The following C19orf84 variants were observed in gnomAD, a reference collection of about 807,000 sequenced individuals.
C19orf84 encodes the protein chromosome 19 open reading frame 84.
In C19orf84, 1 loss-of-function variant was observed where a neutral mutation model predicts 4.0. That is an observed-to-expected ratio of 0.25 (90% confidence interval 0.09 to 1.19). The LOEUF is 1.19. C19orf84 is among the 50% of genes most tolerant of loss of function. The pLI is 0.50. For synonymous variants in C19orf84, 123 were observed against 109.6 expected (o/e 1.12, Z -0.76); for missense variants, 224 against 246.8 (o/e 0.91, Z 0.62).
chr19:51,389,587 C>A lies in C19orf84; in HGVS notation c.36-78G>T. The A allele has an allele frequency of 8.0e-7, 1 of 1,255,846 alleles. No homozygotes were observed. Among genetic ancestry groups the A allele is most frequent in the South Asian group, 2.3e-5 (1 of 43,786 alleles). The allele number at this position is 1,255,846 out of a possible 1,614,324, so 77.8% of individuals were successfully genotyped here. On this transcript the variant is annotated intron_variant, in intron 1 of 1. Transcript: ENST00000574814. This position sits in a 1 kb window ranked among gnomAD's most constrained non-coding sequence, Gnocchi z 4.7. ...GTTTCTCGCTGCCAGGCTGTCTCTG[C>A]ACCTCTGCAGAAGGCAGCCATCTCT...
In C19orf84 at chr19:51,388,383, GC is replaced by G. The variant is rs1987153900; in HGVS notation, c.*600del. On this transcript the variant is annotated 3_prime_UTR_variant, in exon 2 of 2. Transcript: ENST00000574814. ...AGTCACAGGTGTCTGGGTATGTGGG[GC>G]CAATGCGGTTCTTTGTGGGGATGGA... 1 of 156,056 alleles carries G rather than the reference GC, an allele frequency of 6.4e-6. No individual in the cohort carries two copies. The highest frequency in any genetic ancestry group is 1.4e-5 in the Non-Finnish European group (1 of 70,454). 9.7% of individuals were successfully genotyped at this position (156,056 alleles called of 1,614,324 possible).
At chr19:51,390,417 C>G in intron 1 of C19orf84, 61 bp downstream of exon 1, 1 of 1,492,344 alleles carries the variant, frequency 6.7e-7, no homozygotes, top group Non-Finnish European at 8.9e-7. Flanking sequence ...CTCTCGTTTT[C>G]TCTGTCCCCT....
At position 51,390,584 on chromosome 19, in the gene C19orf84, G is replaced by A. The variant is rs1568485017; in HGVS notation, c.-72C>T. The A allele has an allele frequency of 2.0e-6, 3 of 1,475,008 alleles. No individual in the cohort carries two copies. Among genetic ancestry groups the A allele is most frequent in the Non-Finnish European group, 2.7e-6 (3 of 1,110,188 alleles). The allele number at this position is 1,475,008 out of a possible 1,614,324, so 91.4% of individuals were successfully genotyped here. ...GATCCTTCGGGGGCCCGGGAAGGTT[G>A]GGGAGGGGCCGAGGCCGAGAGAGGC... On this transcript the variant is annotated 5_prime_UTR_variant, in exon 1 of 2. Coordinates refer to ENST00000574814, the MANE Select transcript of C19orf84 (RefSeq NM_001193623.2).
In C19orf84 at chr19:51,390,472, T is replaced by C. The variant is rs752438184; in HGVS notation, c.35+6A>G. 6 of 1,533,270 alleles carry C rather than the reference T, an allele frequency of 3.9e-6. No individual in the cohort carries two copies. The highest frequency in any genetic ancestry group is 2.0e-5 in the Admixed American group (1 of 50,724). 95.0% of individuals were successfully genotyped at this position (1,533,270 alleles called of 1,614,324 possible). A position where few individuals can be genotyped will look rare whatever the true frequency, so the allele number is the denominator to read the frequency against. On this transcript the variant is annotated splice_donor_region_variant and intron_variant, in intron 1 of 1. Coordinates refer to ENST00000574814, the MANE Select transcript of C19orf84 (RefSeq NM_001193623.2). ...CCCCCTCTCAGGAGGTCTTTGTTTG[T>C]CTCACCCTTCAGGCCCAGCCCCGTC...
In C19orf84 at chr19:51,388,603, G is replaced by A. The variant is rs185252273; in HGVS notation, c.*381C>T. The A allele has an allele frequency of 1.7e-3, 453 of 260,198 alleles. 2 individuals carry two copies. The highest frequency in any genetic ancestry group is 1.0e-2 in the African/African-American group (432 of 43,402). 16.1% of individuals were successfully genotyped at this position (260,198 alleles called of 1,614,324 possible). A position where few individuals can be genotyped will look rare whatever the true frequency, so the allele number is the denominator to read the frequency against. ...TGAATGGGTTTGGGAACAGGGTATT[G>A]AGAGTGGGGAAGAGAGAGGCAGGTA... On this transcript the variant is annotated 3_prime_UTR_variant, in exon 2 of 2. Transcript: ENST00000574814.
At chr19:51,390,443 C>A in intron 1 of C19orf84, 35 bp downstream of exon 1, 1 of 1,527,998 alleles carries the variant, frequency 6.5e-7, no homozygotes, top group East Asian at 2.5e-5. Flanking sequence ...CTCTGGGTCT[C>A]TGTCCCCCTC....
In C19orf84 at chr19:51,389,292, A is replaced by C; in HGVS notation, c.253T>G (p.Cys85Gly). 1 of 1,535,930 alleles carries C rather than the reference A, an allele frequency of 6.5e-7. No individual in the cohort carries two copies. The highest frequency in any genetic ancestry group is 8.7e-7 in the Non-Finnish European group (1 of 1,146,740). ...TGGCCTGCCTGGGAGCAGCAGGGGC[A>C]AGAGGGCAAGGCCTGTTGGAAGGTG... The part of the protein sequence containing the change: ...AYTFQQALPS[C>G]PCCSQAGHSQ... The change falls in exon 2 of 2, where the codon TGC becomes GGC. Residue 85 changes from cysteine (C) to glycine (G), a missense_variant. Coordinates refer to ENST00000574814, the MANE Select transcript of C19orf84 (RefSeq NM_001193623.2). The surrounding 1 kb of genome is among the most constrained non-coding windows in gnomAD (Gnocchi z 4.7).
Position 51,390,459 on chromosome 19 carries a change from A to T in C19orf84, c.35+19T>A. ...TCTGGGTCTCTGTCCCCCTCTCAGG[A>T]GGTCTTTGTTTGTCTCACCCTTCAG... On this transcript the variant is annotated intron_variant, in intron 1 of 1. Coordinates refer to ENST00000574814, the MANE Select transcript of C19orf84 (RefSeq NM_001193623.2). 1 of 1,528,618 alleles carries T rather than the reference A, an allele frequency of 6.5e-7. No individual in the cohort carries two copies. Among genetic ancestry groups the T allele is most frequent in the Admixed American group, 2.0e-5 (1 of 50,318 alleles). 94.7% of individuals were successfully genotyped at this position (1,528,618 alleles called of 1,614,324 possible).
At position 51,389,608 on chromosome 19, in the gene C19orf84, T is replaced by C; in HGVS notation, c.36-99A>G. On this transcript the variant is annotated intron_variant, in intron 1 of 1. Coordinates refer to ENST00000574814, the MANE Select transcript of C19orf84 (RefSeq NM_001193623.2). This position sits in a 1 kb window ranked among gnomAD's most constrained non-coding sequence, Gnocchi z 4.7. ...TCTGCACCTCTGCAGAAGGCAGCCA[T>C]CTCTCCATCCTCAGTGCCCACCTGT... The C allele has an allele frequency of 3.8e-6, 4 of 1,042,388 alleles. No individual in the cohort carries two copies. The highest frequency in any genetic ancestry group is 5.0e-6 in the Non-Finnish European group (4 of 793,284). The allele number at this position is 1,042,388 out of a possible 1,614,324, so 64.6% of individuals were successfully genotyped here. A position where few individuals can be genotyped will look rare whatever the true frequency, so the allele number is the denominator to read the frequency against.
At position 51,389,494 on chromosome 19, in the gene C19orf84, C is replaced by T; in HGVS notation, c.51G>A (p.Leu17=). 1 of 1,428,154 alleles carries T rather than the reference C, an allele frequency of 7.0e-7. No individual in the cohort carries two copies. The highest frequency in any genetic ancestry group is 9.1e-7 in the Non-Finnish European group (1 of 1,094,908). The allele number at this position is 1,428,154 out of a possible 1,614,324, so 88.5% of individuals were successfully genotyped here. ...GCCATGGCTCGGTCCCAGATGACGG[C>T]AGGGACAGGTTGTTCCTAGAACAAC... The part of the protein sequence containing the change: ...GAGPEGNNLS[L]PSSGTEPWPP... The change falls in exon 2 of 2, where the codon CTG becomes CTA. Residue 17 remains leucine, a synonymous_variant. Transcript: ENST00000574814. This position sits in a 1 kb window ranked among gnomAD's most constrained non-coding sequence, Gnocchi z 4.7.
In C19orf84 at chr19:51,389,283, A is replaced by G. The variant is rs1207488871; in HGVS notation, c.262T>C (p.Cys88Arg). Reference sequence around the variant, plus strand: ...GGCTGGGAGTGGCCTGCCTGGGAGCAGCAGGGGCAAGAGGGCAAGGCCTGT... The same window carrying G: ...GGCTGGGAGTGGCCTGCCTGGGAGCGGCAGGGGCAAGAGGGCAAGGCCTGT... ...FQQALPSCPC[C>R]SQAGHSQPGA... is the part of the protein sequence containing the mutation. Residue 88 changes from cysteine to arginine, a missense_variant, in exon 2 of 2, where the codon TGC becomes CGC. Transcript: ENST00000574814. The surrounding 1 kb of genome is among the most constrained non-coding windows in gnomAD (Gnocchi z 4.7). 6.5e-7 allele frequency: 1 copy of G among 1,535,916 alleles called. No homozygotes were observed. The highest frequency in any genetic ancestry group is 1.2e-5 in the South Asian group (1 of 84,050).
Position 51,390,463 on chromosome 19 carries a change from C to CT in C19orf84, c.35+14dup. 6.5e-7 allele frequency: 1 copy of CT among 1,532,770 alleles called. No homozygotes were observed. The highest frequency in any genetic ancestry group is 1.2e-5 in the South Asian group (1 of 83,686). The allele number at this position is 1,532,770 out of a possible 1,614,324, so 94.9% of individuals were successfully genotyped here. A position where few individuals can be genotyped will look rare whatever the true frequency, so the allele number is the denominator to read the frequency against. ...GGTCTCTGTCCCCCTCTCAGGAGGT[C>CT]TTTGTTTGTCTCACCCTTCAGGCCC... On this transcript the variant is annotated intron_variant, in intron 1 of 1. Transcript: ENST00000574814.
Position 51,389,175 on chromosome 19 carries a change from G to A in C19orf84, c.370C>T (p.Arg124Trp), listed in dbSNP as rs539577042. The change falls in exon 2 of 2, where the codon CGG becomes TGG. Residue 124 changes from arginine (R) to tryptophan (W), a missense_variant. By Grantham distance (101) the Arg-to-Trp change is moderately radical (BLOSUM62 -3). Coordinates refer to ENST00000574814, the MANE Select transcript of C19orf84 (RefSeq NM_001193623.2). This position sits in a 1 kb window ranked among gnomAD's most constrained non-coding sequence, Gnocchi z 4.7. Reference sequence around the variant, plus strand: ...GGCTGCTCAGCTCTCCCAAGGCCCCGTCGATGCAGGCCTCGGCCCCAGCCT... The same window carrying A: ...GGCTGCTCAGCTCTCCCAAGGCCCCATCGATGCAGGCCTCGGCCCCAGCCT... Reference protein sequence around the residue: ...RPGWGRGLHRRGLGRAEQPER... With the variant: ...RPGWGRGLHRWGLGRAEQPER... The A allele has an allele frequency of 3.1e-4, 475 of 1,535,288 alleles. No individual in the cohort carries two copies. Among genetic ancestry groups the A allele is most frequent in the Non-Finnish European group, 3.8e-4 (435 of 1,146,518 alleles).
Position 51,389,427 on chromosome 19 carries a change from A to C in C19orf84, c.118T>G (p.Ser40Ala). 6.8e-7 allele frequency: 1 copy of C among 1,466,868 alleles called. No homozygotes were observed. Among genetic ancestry groups the C allele is most frequent in the Non-Finnish European group, 9.0e-7 (1 of 1,112,460 alleles). The allele number at this position is 1,466,868 out of a possible 1,614,324, so 90.9% of individuals were successfully genotyped here. A position where few individuals can be genotyped will look rare whatever the true frequency, so the allele number is the denominator to read the frequency against. ...AGCCCCAGGTGGGTGGGGTCTGTGG[A>C]GTTCAGGAGCAAGGGTGGAGGGGCT... ...LPAPPPLLLN[S>A]TDPTHLGLPE... The change falls in exon 2 of 2, where the codon TCC becomes GCC. Residue 40 changes from serine to alanine, a missense_variant. By Grantham distance (99) the Ser-to-Ala change is moderately conservative (BLOSUM62 1). Coordinates refer to ENST00000574814, the MANE Select transcript of C19orf84 (RefSeq NM_001193623.2). This position sits in a 1 kb window ranked among gnomAD's most constrained non-coding sequence, Gnocchi z 4.7.
intron 1 of C19orf84, chr19:51,390,275 C>A: frequency 2.2e-6 from 1 of 455,198 alleles, no homozygotes; most frequent in Non-Finnish European, 3.7e-6. Context: ...CTGCACCCGG[C>A]CTCCGCCTGT....
At position 51,388,971 on chromosome 19, in the gene C19orf84, A is replaced by AC; in HGVS notation, c.*12dup. The AC allele has an allele frequency of 6.5e-7, 1 of 1,535,696 alleles. No homozygotes were observed. Among genetic ancestry groups the AC allele is most frequent in the Non-Finnish European group, 8.7e-7 (1 of 1,146,762 alleles). ...GGGTGACTGCAATCTCAGGTGCCTG[A>AC]CCCTCCAAGGTCCTAGTACTCTGTC... is the stretch of plus-strand genomic sequence containing the variant. On this transcript the variant is annotated 3_prime_UTR_variant, in exon 2 of 2. Coordinates refer to ENST00000574814, the MANE Select transcript of C19orf84 (RefSeq NM_001193623.2).
Position 51,388,866 on chromosome 19 carries a change from G to C in C19orf84, c.*118C>G. On this transcript the variant is annotated 3_prime_UTR_variant, in exon 2 of 2. Coordinates refer to ENST00000574814, the MANE Select transcript of C19orf84 (RefSeq NM_001193623.2). Reference sequence around the variant, plus strand: ...GCTACTCCTGGGATTGTGGTTTTGGGGAGAGGGGAGGATGGAAGATGTTTC... The same window carrying C: ...GCTACTCCTGGGATTGTGGTTTTGGCGAGAGGGGAGGATGGAAGATGTTTC... 8.4e-7 allele frequency: 1 copy of C among 1,194,880 alleles called. No individual in the cohort carries two copies. The highest frequency in any genetic ancestry group is 1.6e-5 in the South Asian group (1 of 64,250). The allele number at this position is 1,194,880 out of a possible 1,614,324, so 74.0% of individuals were successfully genotyped here. A position where few individuals can be genotyped will look rare whatever the true frequency, so the allele number is the denominator to read the frequency against.
chr19:51,388,763 T>A lies in C19orf84; in HGVS notation c.*221A>T. 1 of 587,326 alleles carries A rather than the reference T, an allele frequency of 1.7e-6. No individual in the cohort carries two copies. Among genetic ancestry groups the A allele is most frequent in the Non-Finnish European group, 3.0e-6 (1 of 333,266 alleles). 36.4% of individuals were successfully genotyped at this position (587,326 alleles called of 1,614,324 possible). A position where few individuals can be genotyped will look rare whatever the true frequency, so the allele number is the denominator to read the frequency against. On this transcript the variant is annotated 3_prime_UTR_variant, in exon 2 of 2. Transcript: ENST00000574814. Reference sequence around the variant, plus strand: ...GGTTGAGGCCATCAAGGAGACAGGTTTGGGTACGAGGTTTAGGATTTTCTT... The same window carrying A: ...GGTTGAGGCCATCAAGGAGACAGGTATGGGTACGAGGTTTAGGATTTTCTT...
In C19orf84 at chr19:51,388,871, G is replaced by A. The variant is rs919868373; in HGVS notation, c.*113C>T. ...TCCTGGGATTGTGGTTTTGGGGAGA[G>A]GGGAGGATGGAAGATGTTTCTTGGG... On this transcript the variant is annotated 3_prime_UTR_variant, in exon 2 of 2. Transcript: ENST00000574814. The A allele has an allele frequency of 8.1e-6, 10 of 1,233,894 alleles. No homozygotes were observed. The highest frequency in any genetic ancestry group is 2.5e-4 in the Middle Eastern group (1 of 3,978). 76.4% of individuals were successfully genotyped at this position (1,233,894 alleles called of 1,614,324 possible).
Sources: gnomAD v4.1 joint callset for allele counts on GRCh38, gnomAD v4.1.1 for gene constraint, Gnocchi (gnomAD v3.1) non-coding constraint, MANE v1.5 for transcripts, NCBI Gene and HGNC (gene_info 2026-07-23, HGNC 2026-07-21) for gene names.